FAT4: variants seen among roughly 807,000 people sequenced by gnomAD.
FAT4 encodes protocadherin Fat 4.
Under a neutral mutation model 303.9 loss-of-function variants are expected in FAT4, and 84 were observed. The ratio of observed to expected loss-of-function variants is 0.28; its 90% CI spans 0.23 to 0.33. The LOEUF (loss-of-function observed/expected upper bound fraction) is 0.33, where lower values mean the gene tolerates loss of function less well. FAT4 is among the 10% of genes least tolerant of loss of function. The pLI is 1.00. For synonymous variants in FAT4, 2,307 were observed against 2,298.8 expected, an observed-to-expected ratio of 1.00 and a Z score of -0.10; for missense variants, 6,005 against 6,146.8, an observed-to-expected ratio of 0.98 and a Z score of 0.77.
intron 10 of FAT4, among the ~76,000 whole-genome samples, chr4:125,461,530 A>G (rs1450723587): frequency 6.6e-6 from 1 of 152,002 alleles, no homozygotes; most frequent in Non-Finnish European, 1.5e-5. Context: ...ACATGTTTTC[A>G]TGATAACAAG....
At position 125,451,050 on chromosome 4, in the gene FAT4, G is replaced by T; in HGVS notation, c.10040G>T (p.Gly3347Val). The T allele has an allele frequency of 3.1e-6, 5 of 1,614,034 alleles. No individual in the cohort carries two copies. Among genetic ancestry groups the T allele is most frequent in the African/African-American group, 1.3e-5 (1 of 75,012 alleles). ...ATTTTTGGTAATAGTCGAAAGAAGG[G>T]TTTCCAGATCAATAAGAAGACTGGA... ...YLIFGNSRKK[G>V]FQINKKTGQI... The change falls in exon 10 of 18, where the codon GGT (glycine) becomes GTT (valine). Residue 3347 changes from glycine (G) to valine (V), a missense_variant. Coordinates refer to ENST00000394329, the MANE Select transcript of FAT4 (RefSeq NM_001291303.3).
intron 2 of FAT4, among the ~76,000 whole-genome samples, chr4:125,378,753 TA>T (rs1486136161): frequency 6.6e-6 from 1 of 152,186 alleles, no homozygotes; most frequent in Non-Finnish European, 1.5e-5. Context: ...ATGAATTCCA[TA>T]CTCAATATTT....
Position 125,457,122 on chromosome 4 carries a change from T to TACAC in FAT4, c.11800+4343_11800+4346dup, listed in dbSNP as rs151245014. Among the ~76,000 whole-genome samples, 554 of 81,384 alleles carry TACAC rather than the reference T, an allele frequency of 6.8e-3. 3 individuals are homozygous for TACAC. Among genetic ancestry groups the TACAC allele is most frequent in the African/African-American group, 0.051 (529 of 10,422 alleles). 53.4% of individuals were successfully genotyped at this position (81,384 alleles called of 152,430 possible). ...CACTACCCATACCCAGTTTCTCTCATACACACACACACACACACACACACA... is the reference window on the plus strand; with the variant it reads ...CACTACCCATACCCAGTTTCTCTCATACACACACACACACACACACACACACACA... On this transcript the variant is annotated intron_variant, in intron 10 of 17. Transcript: ENST00000394329.
intron 2 of FAT4, among the ~76,000 whole-genome samples, chr4:125,323,306 C>T (rs1731027134): frequency 6.6e-6 from 1 of 152,112 alleles, no homozygotes; most frequent in Admixed American, 6.5e-5. Context: ...ATTAGCTATG[C>T]AAAGATTGGC....
Position 125,390,012 on chromosome 4 carries a change from T to TA in FAT4, c.5176-8771dup, listed in dbSNP as rs1337720660. On this transcript the variant is annotated intron_variant, in intron 2 of 17. Coordinates refer to ENST00000394329, the MANE Select transcript of FAT4 (RefSeq NM_001291303.3). ...TGTCGTGAAACATTTCACCCAGACT[T>TA]ATGGCAGTAGAATTCCCAGTGGTCA... Among the ~76,000 whole-genome samples the TA allele has an allele frequency of 9.9e-5, 15 of 152,268 alleles. No individual in the cohort carries two copies. The East Asian group carries it at 2.9e-3, about 29-fold the overall frequency.
intron 2 of FAT4, among the ~76,000 whole-genome samples, chr4:125,331,130 G>A (rs1295103182): frequency 2.0e-5 from 3 of 151,896 alleles, no homozygotes; most frequent in African/African-American, 2.4e-5. Flanking sequence ...ATCATCACCC[G>A]ACATAACACA....
intron 5 of FAT4, among the ~76,000 whole-genome samples, chr4:125,411,657 G>A (rs2893130): frequency 0.97 from 145,614 of 150,424 alleles, 70,637 homozygotes; most frequent in East Asian, 1. Context: ...AACATTTATA[G>A]ATTGTGAGTA....
At chr4:125,430,345 T>C (rs1159927706) in intron 7 of FAT4, among the ~76,000 whole-genome samples, 1 of 152,098 alleles carries the variant, frequency 6.6e-6, no homozygotes, top group Non-Finnish European at 1.5e-5. Flanking sequence ...ACATTCCATT[T>C]TTCTCCCTTG....
intron 2 of FAT4, among the ~76,000 whole-genome samples, chr4:125,356,542 G>GTTTTTTTTTTTTTTTTTTTTTTTTTTTT (rs1230221758): frequency 1.0e-5 from 1 of 98,478 alleles, no homozygotes; most frequent in African/African-American, 3.7e-5. Flanking sequence ...AGGGTGTTTT[G>GTTTTTTTTTTTTTTTTTTTTTTTTTTTT]TTTTTTGTTT....
In FAT4 at chr4:125,320,147, C is replaced by A. The variant is rs770886307; in HGVS notation, c.3736C>A (p.His1246Asn). 1 of 1,613,760 alleles carries A rather than the reference C, an allele frequency of 6.2e-7. No homozygotes were observed. ...DVDEGNNGLI[H>N]YSIIKGNEER... ...TGATGAAGGTAATAATGGACTTATTCACTATTCTATAATAAAAGGAAATGA... is the reference window on the plus strand; with the variant it reads ...TGATGAAGGTAATAATGGACTTATTAACTATTCTATAATAAAAGGAAATGA... The change falls in exon 2 of 18, where the codon CAC becomes AAC. Residue 1246 changes from histidine to asparagine, a missense_variant. His to Asn is a moderately conservative substitution (Grantham distance 68, BLOSUM62 1). Coordinates refer to ENST00000394329, the MANE Select transcript of FAT4 (RefSeq NM_001291303.3).
At chr4:125,437,866 A>G (rs1177253683) in intron 8 of FAT4, among the ~76,000 whole-genome samples, 1 of 152,208 alleles carries the variant, frequency 6.6e-6, no homozygotes, top group East Asian at 1.9e-4. Context: ...TGGATTAAGC[A>G]GAGTAATAAT....
At position 125,450,766 on chromosome 4, in the gene FAT4, A is replaced by G. The variant is rs757886856; in HGVS notation, c.9756A>G (p.Ile3252Met). The G allele has an allele frequency of 6.2e-7, 1 of 1,614,122 alleles. No individual in the cohort carries two copies. The highest frequency in any genetic ancestry group is 2.2e-5 in the East Asian group (1 of 44,856). Reference sequence around the variant, plus strand: ...TCATTGACCCTAACACAGGAGTCATAACCACTCAAGGCTTCTTGGATTTTG... The same window carrying G: ...TCATTGACCCTAACACAGGAGTCATGACCACTCAAGGCTTCTTGGATTTTG... The part of the protein sequence containing the change: ...LFVIDPNTGV[I>M]TTQGFLDFET... Residue 3252 changes from isoleucine (I) to methionine (M), a missense_variant, in exon 10 of 18, where the codon ATA (isoleucine) becomes ATG (methionine). Coordinates refer to ENST00000394329, the MANE Select transcript of FAT4 (RefSeq NM_001291303.3).
At chr4:125,376,695 T>C (rs1733338901) in intron 2 of FAT4, among the ~76,000 whole-genome samples, 2 of 151,554 alleles carry the variant, frequency 1.3e-5, no homozygotes, top group Admixed American at 1.3e-4. Context: ...AGGTCGGGAG[T>C]TCGAAACCAG....
intron 2 of FAT4, among the ~76,000 whole-genome samples, chr4:125,367,598 GA>G (rs913918132): frequency 6.6e-5 from 10 of 152,098 alleles, no homozygotes; most frequent in South Asian, 6.2e-4. Context: ...CAGGTTGGGG[GA>G]AAAAATAACA....
intron 2 of FAT4, among the ~76,000 whole-genome samples, chr4:125,361,939 C>T (rs1732690022): frequency 6.6e-6 from 1 of 152,098 alleles, no homozygotes; most frequent in South Asian, 2.1e-4. Context: ...ATCTCAACTG[C>T]TTGTGTAGAA....
intron 2 of FAT4, among the ~76,000 whole-genome samples, chr4:125,345,148 AACG>A (rs1731947050): frequency 6.6e-6 from 1 of 152,114 alleles, no homozygotes; most frequent in Non-Finnish European, 1.5e-5. Flanking sequence ...GTAGATGGTC[AACG>A]ATTGTTTAAA....
intron 3 of FAT4, among the ~76,000 whole-genome samples, chr4:125,399,402 G>T (rs918920814): frequency 6.6e-6 from 1 of 151,714 alleles, no homozygotes; most frequent in Non-Finnish European, 1.5e-5. Context: ...CAAATACTTT[G>T]TGATTTGTAT....
At chr4:125,475,961 TATAG>T (rs1193276926) in intron 12 of FAT4, among the ~76,000 whole-genome samples, 2 of 152,088 alleles carry the variant, frequency 1.3e-5, no homozygotes, top group Admixed American at 6.5e-5. Context: ...CTCTCATAGG[TATAG>T]ATAGTCATAA....
At chr4:125,445,374 G>A (rs1216460832) in intron 8 of FAT4, among the ~76,000 whole-genome samples, 1 of 152,062 alleles carries the variant, frequency 6.6e-6, no homozygotes, top group African/African-American at 2.4e-5. Flanking sequence ...ATATGCTGTT[G>A]CTATGTTTAT....
Sources: gnomAD v4.1 joint callset for allele counts (sites outside exome capture counted in the v4.1 genomes callset) on GRCh38, gnomAD v4.1.1 for gene constraint, MANE v1.5 for transcripts, NCBI Gene and HGNC (gene_info 2026-07-23, HGNC 2026-07-21) for gene names.